Variants in SNAP47 observed in about 807,000 individuals in gnomAD.
SNAP47 encodes synaptosome associated protein 47.
SNAP47 carries 20 observed loss-of-function variants against 31.4 expected under a neutral mutation model. That is an observed-to-expected ratio of 0.64 (90% CI 0.45 to 0.93). The LOEUF is 0.93. Among genes scored for constraint, SNAP47 ranks in the 40% least tolerant of loss-of-function variants. The pLI, the probability that SNAP47 is intolerant of heterozygous loss-of-function variation, is 0.00. For missense variants in SNAP47, 492 were observed against 528.5 expected (o/e 0.93, Z 0.68); for synonymous variants, 194 against 213.4 (o/e 0.91, Z 0.79).
intron 2 of SNAP47, among the ~76,000 whole-genome samples, chr1:227,751,605 G>A (rs1016283282): frequency 6.6e-6 from 1 of 152,118 alleles, no homozygotes; most frequent in East Asian, 1.9e-4. Context: ...CCTTCCCCAG[G>A]CCCACAGGCA....
chr1:227,766,760 G>A (rs549372800), intron 3 of SNAP47, among the ~76,000 whole-genome samples, 199 bp from the exon 4 acceptor site: 4 of 152,356 alleles, frequency 2.6e-5, no homozygotes, highest in Middle Eastern at 3.4e-3. Flanking sequence ...AGTGGCCACC[G>A]TCTGTTTGCA....
rs540732076 is a variant in SNAP47 at position 227,751,744 on chromosome 1, G to GTTTTTTT, written c.497+3542_497+3548dup. Among the ~76,000 whole-genome samples the GTTTTTTT allele has an allele frequency of 8.5e-4, 59 of 69,192 alleles. 20 individuals are homozygous for GTTTTTTT. Among genetic ancestry groups the GTTTTTTT allele is most frequent in the African/African-American group, 1.9e-3 (34 of 18,000 alleles). The allele number at this position is 69,192 out of a possible 152,430, so 45.4% of individuals were successfully genotyped here. A position where few individuals can be genotyped will look rare whatever the true frequency, so the allele number is the denominator to read the frequency against. ...ATGGGGCCAATTACATAAAGACTTG[G>GTTTTTTT]TTTTTTTTTTTTTTTTTTTTTTTTT... On this transcript the variant is annotated intron_variant, in intron 2 of 4. Transcript: ENST00000617596.
intron 3 of SNAP47, 98 bp from the exon 4 acceptor site, chr1:227,766,861 G>A: frequency 2.0e-6 from 3 of 1,529,664 alleles, no homozygotes; most frequent in Admixed American, 1.8e-5. Flanking sequence ...GGTGGCGGGA[G>A]GAACACCGCC....
chr1:227,766,800 G>A (rs537789687), intron 3 of SNAP47, among the ~76,000 whole-genome samples, 159 bp from the exon 4 acceptor site: 77 of 152,316 alleles, frequency 5.1e-4, no homozygotes, highest in African/African-American at 1.8e-3. Flanking sequence ...TTCGGGGCCG[G>A]GTGGCAAGGC....
chr1:227,766,951 C>T lies in SNAP47; in HGVS notation c.989-8C>T. 6.2e-7 allele frequency: 1 copy of T among 1,613,630 alleles called. No individual in the cohort carries two copies. The highest frequency in any genetic ancestry group is 8.5e-7 in the Non-Finnish European group (1 of 1,179,916). On this transcript the variant is annotated splice_polypyrimidine_tract_variant and splice_region_variant and intron_variant, in intron 3 of 4. Transcript: ENST00000617596. ...GATGTCACTGCTGACCATCTGCTCT[C>T]CTTGCAGCATCTGGGCTGATGGGCC...
chr1:227,739,767 T>A (rs1661467457), intron 1 of SNAP47, among the ~76,000 whole-genome samples: 1 of 152,194 alleles, frequency 6.6e-6, no homozygotes, highest in African/African-American at 2.4e-5. Context: ...CCCAAGAGCG[T>A]CACTTGTGTG....
intron 4 of SNAP47, chr1:227,775,843 G>A (rs770678865): frequency 1.7e-4 from 228 of 1,303,944 alleles, no homozygotes; most frequent in Non-Finnish European, 2.2e-4. Context: ...GCTTTGCTCC[G>A]AGTCTGCAGG....
At chr1:227,769,025 C>T (rs1345940953) in intron 4 of SNAP47, among the ~76,000 whole-genome samples, 4 of 152,248 alleles carry the variant, frequency 2.6e-5, no homozygotes, top group Non-Finnish European at 2.9e-5. Flanking sequence ...CAAGTGTCCA[C>T]ACATCAGACT....
At position 227,759,029 on chromosome 1, in the gene SNAP47, C is replaced by T. The variant is rs746453777; in HGVS notation, c.532C>T (p.Pro178Ser). Residue 178 changes from proline (P) to serine (S), a missense_variant, in exon 3 of 5, where the codon CCC (proline) becomes TCC (serine). By Grantham distance (74) the Pro-to-Ser change is moderately conservative. Coordinates refer to ENST00000617596, the MANE Select transcript of SNAP47 (RefSeq NM_053052.4). ...AGAACTGGAATCTCCTGCTTGGTGG[C>T]CCTTTAGCTCCAAGCTTTGGAAGAC... is the stretch of plus-strand genomic sequence containing the variant. Reference protein sequence around the residue: ...LTELESPAWWPFSSKLWKTPP... With the variant: ...LTELESPAWWSFSSKLWKTPP... 6.2e-7 allele frequency: 1 copy of T among 1,608,312 alleles called. No homozygotes were observed. Among genetic ancestry groups the T allele is most frequent in the Non-Finnish European group, 8.5e-7 (1 of 1,177,854 alleles).
At chr1:227,776,070 T>G (rs1014614928) in intron 4 of SNAP47, 24 of 1,188,292 alleles carry the variant, frequency 2.0e-5, no homozygotes, top group Non-Finnish European at 2.3e-5. Flanking sequence ...GTTTCTTTGT[T>G]CAGGTTGTGC....
rs985435516 is a variant in SNAP47 at position 227,766,959 on chromosome 1, C to T, written c.989C>T (p.Ala330Val). The change falls in exon 4 of 5, where the codon GCA becomes GTA. Residue 330 changes from alanine (A) to valine (V), a missense_variant and splice_region_variant. By Grantham distance (64) the Ala-to-Val change is moderately conservative (BLOSUM62 0). Coordinates refer to ENST00000617596, the MANE Select transcript of SNAP47 (RefSeq NM_053052.4). ...TGCTGACCATCTGCTCTCCTTGCAG[C>T]ATCTGGGCTGATGGGCCGTACCCTG... is the stretch of plus-strand genomic sequence containing the variant. The part of the protein sequence containing the change: ...AEKSCSVWHA[A>V]SGLMGRTLHR... 6.2e-7 allele frequency: 1 copy of T among 1,613,774 alleles called. No homozygotes were observed. The highest frequency in any genetic ancestry group is 8.5e-7 in the Non-Finnish European group (1 of 1,180,002).
In SNAP47 at chr1:227,751,765, T is replaced by G. The variant is rs1204520455; in HGVS notation, c.497+3532T>G. 2.2e-4 allele frequency among the ~76,000 whole-genome samples: 27 copies of G among 120,772 alleles called. 1 individual carries two copies. The East Asian group carries it at 2.7e-3, about 12-fold the overall frequency. 79.2% of individuals were successfully genotyped at this position (120,772 alleles called of 152,430 possible). On this transcript the variant is annotated intron_variant, in intron 2 of 4. Coordinates refer to ENST00000617596, the MANE Select transcript of SNAP47 (RefSeq NM_053052.4). ...CTTGGTTTTTTTTTTTTTTTTTTTTTTTTTTTTTTTTTTTTTGAGACGGAG... is the reference window on the plus strand; with the variant it reads ...CTTGGTTTTTTTTTTTTTTTTTTTTGTTTTTTTTTTTTTTTTGAGACGGAG...
chr1:227,775,905 C>T, intron 4 of SNAP47: 3 of 1,302,826 alleles, frequency 2.3e-6, no homozygotes, highest in Non-Finnish European at 3.0e-6. Flanking sequence ...GGAAGCTTTT[C>T]TTCCAGAACA....
At chr1:227,767,109 G>T in intron 4 of SNAP47, 26 bp downstream of exon 4, 1 of 1,613,370 alleles carries the variant, frequency 6.2e-7, no homozygotes, top group Non-Finnish European at 8.5e-7. Context: ...TGCCATGCCA[G>T]CCAGCGCTGT....
chr1:227,733,085 C>A, upstream of SNAP47: 1 of 1,581,872 alleles, frequency 6.3e-7, no homozygotes. Flanking sequence ...CCTGACCAAC[C>A]CACATCTCCT....
chr1:227,745,635 T>A (rs112776024), intron 1 of SNAP47: 2,195 of 152,244 alleles, frequency 0.014, 49 homozygotes, highest in African/African-American at 0.05. Context: ...CTCAGCTGTC[T>A]CGGCACAGCG....
rs1015665933 is a variant in SNAP47 at position 227,741,047 on chromosome 1, C to T, written c.-46+5548C>T. Among the ~76,000 whole-genome samples, 3 of 146,984 alleles carry T rather than the reference C, an allele frequency of 2.0e-5. No individual in the cohort carries two copies. The highest frequency in any genetic ancestry group is 6.7e-5 in the Admixed American group (1 of 14,972). On this transcript the variant is annotated intron_variant, in intron 1 of 4. Transcript: ENST00000617596. The surrounding 1 kb of genome is among the most constrained non-coding windows in gnomAD (Gnocchi z 4.2). ...GGAGGGCCTGTGAAGTTGGGTTGCC[C>T]GTTAGGGATGGGGGCAGATACCCAG...
chr1:227,729,944 G>A (rs1570429), intron 1 of SNAP47, among the ~76,000 whole-genome samples: 15,981 of 152,250 alleles, frequency 0.1, 900 homozygotes, highest in Middle Eastern at 0.21. Flanking sequence ...ACTCCCCAAG[G>A]AATCTGGGCC....
At position 227,748,106 on chromosome 1, in the gene SNAP47, G is replaced by A. The variant is rs1172845037; in HGVS notation, c.370G>A (p.Gly124Arg). The change falls in exon 2 of 5, where the codon GGA (glycine) becomes AGA (arginine). Residue 124 changes from glycine (G) to arginine (R), a missense_variant. Transcript: ENST00000617596. ...VPRTRGEELT[G>R]LMAGSQKRLE... is the part of the protein sequence containing the mutation. ...AAGGACCCGGGGCGAGGAGCTGACGGGACTCATGGCTGGATCCCAGAAACG... is the reference window on the plus strand; with the variant it reads ...AAGGACCCGGGGCGAGGAGCTGACGAGACTCATGGCTGGATCCCAGAAACG... 3 of 1,614,054 alleles carry A rather than the reference G, an allele frequency of 1.9e-6. No individual in the cohort carries two copies. In the South Asian group the frequency reaches 3.3e-5, roughly 18 times the overall value.
Sources: allele counts gnomAD v4.1 joint callset (sites outside exome capture counted in the v4.1 genomes callset), GRCh38; gene constraint gnomAD v4.1.1; non-coding constraint Gnocchi (gnomAD v3.1); transcripts MANE v1.5; gene names NCBI Gene and HGNC (gene_info 2026-07-23, HGNC 2026-07-21).